Variants in KNTC1 observed in about 807,000 individuals in gnomAD.
The protein encoded by KNTC1 is kinetochore associated 1.
A neutral mutation model predicts 314.4 loss-of-function variants in KNTC1; 253 were observed. The observed-to-expected ratio is 0.80, with a 90% CI of 0.73 to 0.89. KNTC1 has a LOEUF of 0.89. Among genes scored for constraint, KNTC1 ranks in the 40% least tolerant of loss-of-function variants. The probability of loss-of-function intolerance (pLI) is 0.00; values close to 1 mark genes in which losing one functional copy is unlikely to be tolerated. For missense variants in KNTC1, 2,475 were observed against 2,572.9 expected (o/e 0.96, Z 0.82); for synonymous variants, 901 against 901.4 (o/e 1.00, Z 0.01).
chr12:122,553,724 G>A (rs1332326162), intron 16 of KNTC1, among the ~76,000 whole-genome samples: 1 of 152,020 alleles, frequency 6.6e-6, no homozygotes, highest in Non-Finnish European at 1.5e-5. Context: ...TATCAGGGAT[G>A]GAGGAGGAAG....
Position 122,622,487 on chromosome 12 carries a change from T to G in KNTC1, c.6395T>G (p.Ile2132Ser). Residue 2132 changes from isoleucine (I) to serine (S), a missense_variant, in exon 62 of 64, where the codon ATC becomes AGC. Physicochemically the swap from Ile to Ser is moderately radical, Grantham distance 142. Coordinates refer to ENST00000333479, the MANE Select transcript of KNTC1 (RefSeq NM_014708.6). The part of the protein sequence containing the change: ...HQIRSLILNN[I>S]INKKEFGILA... ...ATTAGAAGTCTGATTTTGAATAATA[T>G]CATCAATAAGAAGGAGTTTGGGATT... The G allele has an allele frequency of 6.3e-7, 1 of 1,581,898 alleles. No individual in the cohort carries two copies. Among genetic ancestry groups the G allele is most frequent in the Non-Finnish European group, 8.6e-7 (1 of 1,161,412 alleles).
intron 18 of KNTC1, among the ~76,000 whole-genome samples, chr12:122,559,936 T>G (rs112677239): frequency 2.6e-5 from 4 of 152,306 alleles, no homozygotes; most frequent in African/African-American, 4.8e-5. Flanking sequence ...TCGGCCATCG[T>G]CCATCTCCCC....
chr12:122,601,641 C>T lies in KNTC1; in HGVS notation c.4653+16C>T, dbSNP rs1249634423. On this transcript the variant is annotated intron_variant, in intron 45 of 63. Transcript: ENST00000333479. ...TATTAATCAGGTATAACAAATATAT[C>T]AAAGATGTAAAAATCATCTTTCTGC... 7.5e-6 allele frequency: 11 copies of T among 1,463,984 alleles called. No individual in the cohort carries two copies. The highest frequency in any genetic ancestry group is 1.7e-4 in the Middle Eastern group (1 of 5,736). The allele number at this position is 1,463,984 out of a possible 1,614,324, so 90.7% of individuals were successfully genotyped here. A position where few individuals can be genotyped will look rare whatever the true frequency, so the allele number is the denominator to read the frequency against.
chr12:122,610,282 G>A (rs867767837), intron 52 of KNTC1, among the ~76,000 whole-genome samples: 2 of 152,174 alleles, frequency 1.3e-5, no homozygotes, highest in South Asian at 2.1e-4. Flanking sequence ...TTGGAGGGAA[G>A]CGATTTAAAG....
At chr12:122,564,058 A>T (rs543984510) in intron 20 of KNTC1, among the ~76,000 whole-genome samples, 1 of 152,272 alleles carries the variant, frequency 6.6e-6, no homozygotes, top group African/African-American at 2.4e-5. Context: ...GCTCACTGCA[A>T]CCTTTGCCTC....
chr12:122,551,489 C>G lies in KNTC1; in HGVS notation c.1162C>G (p.Leu388Val), dbSNP rs757640784. The G allele has an allele frequency of 1.3e-6, 2 of 1,596,364 alleles. No homozygotes were observed. Among genetic ancestry groups the G allele is most frequent in the Non-Finnish European group, 1.7e-6 (2 of 1,170,116 alleles). Reference sequence around the variant, plus strand: ...TGAAGACTCAGTCTCTGTGTTAGTACTCAGATGTCTTACGGAAGCTTTACC... The same window carrying G: ...TGAAGACTCAGTCTCTGTGTTAGTAGTCAGATGTCTTACGGAAGCTTTACC... ...LSEDSVSVLV[L>V]RCLTEALPEN... Residue 388 changes from leucine to valine, a missense_variant, in exon 15 of 64, where the codon CTC (leucine) becomes GTC (valine). By Grantham distance (32) the Leu-to-Val change is conservative. Coordinates refer to ENST00000333479, the MANE Select transcript of KNTC1 (RefSeq NM_014708.6).
intron 13 of KNTC1, among the ~76,000 whole-genome samples, chr12:122,550,588 C>T (rs1963130910): frequency 6.6e-6 from 1 of 152,102 alleles, no homozygotes; most frequent in South Asian, 2.1e-4. Context: ...CTACAGCCTC[C>T]AACTCCTGGG....
At chr12:122,554,076 A>AAAATATATATATATATATAT (rs370146333) in intron 16 of KNTC1, among the ~76,000 whole-genome samples, 33 of 109,038 alleles carry the variant, frequency 3.0e-4, no homozygotes, top group African/African-American at 1.0e-3. Flanking sequence ...AAAAAAAAAA[A>AAAATATATATATATATATAT]ATATATATAT....
At position 122,556,019 on chromosome 12, in the gene KNTC1, A is replaced by AT. The variant is rs575674814; in HGVS notation, c.1273-1354dup. ...ACATTTAAAACCTACTCTTTTAGCA[A>AT]TTTTTTTTTTTGAGATAGAGTGTTG... On this transcript the variant is annotated intron_variant, in intron 16 of 63. Transcript: ENST00000333479. Among the ~76,000 whole-genome samples, 209 of 147,560 alleles carry AT rather than the reference A, an allele frequency of 1.4e-3. 2 individuals are homozygous for AT. The East Asian group carries it at 0.031, about 22-fold the overall frequency.
At chr12:122,592,048 G>T (rs572820161) in intron 42 of KNTC1, among the ~76,000 whole-genome samples, 12 of 152,346 alleles carry the variant, frequency 7.9e-5, no homozygotes, top group Admixed American at 7.2e-4. Context: ...AGGAACCCGG[G>T]CTGCGCATGG....
At chr12:122,595,932 A>G (rs745789214) in intron 43 of KNTC1, among the ~76,000 whole-genome samples, 2 of 152,228 alleles carry the variant, frequency 1.3e-5, no homozygotes, top group Non-Finnish European at 2.9e-5. Flanking sequence ...TAAACTTTAG[A>G]ATATCAGAGA....
chr12:122,535,504 G>A (rs114660004), intron 3 of KNTC1, among the ~76,000 whole-genome samples: 2 of 152,096 alleles, frequency 1.3e-5, no homozygotes, highest in African/African-American at 2.4e-5. Context: ...TTAGCTGGCC[G>A]TGCTGGTGTG....
chr12:122,587,911 A>ACTTGCAAGATTTGGCCTTTT, intron 39 of KNTC1, 37 bp downstream of exon 39: 1 of 1,570,348 alleles, frequency 6.4e-7, no homozygotes, highest in Admixed American at 1.8e-5. Context: ...ACTTGGGGTG[A>ACTTGCAAGATTTGGCCTTTT]ATATAGATGT....
chr12:122,587,678 A>C lies in KNTC1; in HGVS notation c.3731-33A>C, dbSNP rs1218973058. On this transcript the variant is annotated intron_variant, in intron 38 of 63. Transcript: ENST00000333479. ...AATATGATCTTTCTTTGTTTAAAAAATCTAAATATTAAAATCCTTTATCAC... is the reference window on the plus strand; with the variant it reads ...AATATGATCTTTCTTTGTTTAAAAACTCTAAATATTAAAATCCTTTATCAC... 1.9e-6 allele frequency: 3 copies of C among 1,545,390 alleles called. No individual in the cohort carries two copies. In the South Asian group the frequency reaches 3.7e-5, roughly 19 times the overall value.
intron 5 of KNTC1, among the ~76,000 whole-genome samples, chr12:122,540,029 C>A (rs1399415144): frequency 2.6e-5 from 4 of 152,040 alleles, no homozygotes; most frequent in African/African-American, 9.7e-5. Flanking sequence ...AGTGATCCAC[C>A]TGCCTCGGCC....
chr12:122,598,327 A>G (rs1368408074), intron 44 of KNTC1, among the ~76,000 whole-genome samples: 1 of 151,514 alleles, frequency 6.6e-6, no homozygotes, highest in Non-Finnish European at 1.5e-5. Context: ...TATGGTCATT[A>G]TATGTCATTA....
chr12:122,577,025 A>C lies in KNTC1; in HGVS notation c.2717A>C (p.Glu906Ala). The C allele has an allele frequency of 6.6e-7, 1 of 1,525,422 alleles. No homozygotes were observed. Among genetic ancestry groups the C allele is most frequent in the Non-Finnish European group, 8.8e-7 (1 of 1,140,130 alleles). 94.5% of individuals were successfully genotyped at this position (1,525,422 alleles called of 1,614,324 possible). A position where few individuals can be genotyped will look rare whatever the true frequency, so the allele number is the denominator to read the frequency against. The change falls in exon 30 of 64, where the codon GAA (glutamate) becomes GCA (alanine). Residue 906 changes from glutamate to alanine, a missense_variant. Transcript: ENST00000333479. ...AGAATTATTGACCTGATTGATAGAG[A>C]ACAGGTTTGTAAGTTTTATGTTGTC... ...SLRIIDLIDREQGEDCLLLLK... is the reference protein window; with the variant it reads ...SLRIIDLIDRAQGEDCLLLLK...
At chr12:122,600,227 G>A (rs1021459043) in intron 44 of KNTC1, among the ~76,000 whole-genome samples, 1 of 152,076 alleles carries the variant, frequency 6.6e-6, no homozygotes, top group African/African-American at 2.4e-5. Flanking sequence ...TGCCTCCTGA[G>A]TAGTTGGGAC....
At chr12:122,610,494 T>C (rs1392237) in intron 52 of KNTC1, among the ~76,000 whole-genome samples, 30,211 of 152,152 alleles carry the variant, frequency 0.2, 3,463 homozygotes, top group East Asian at 0.46. Flanking sequence ...GAATTTCCCA[T>C]GTGTAGCATT....
Sources: gnomAD v4.1 joint callset for allele counts (sites outside exome capture counted in the v4.1 genomes callset) on GRCh38, gnomAD v4.1.1 for gene constraint, MANE v1.5 for transcripts, NCBI Gene and HGNC (gene_info 2026-07-23, HGNC 2026-07-21) for gene names.